ZNF121: variants seen among roughly 807,000 people sequenced by gnomAD.
ZNF121 encodes the protein zinc finger protein 121 (clone ZHC32).
In ZNF121, 1 loss-of-function variant was observed where a neutral mutation model predicts 2.4. That is an observed-to-expected ratio of 0.41 (90% confidence interval 0.15 to 1.94). The LOEUF (loss-of-function observed/expected upper bound fraction) is 1.94. ZNF121 is among the 30% of genes most tolerant of loss of function. ZNF121 has a pLI of 0.30. For missense variants in ZNF121, 369 were observed against 466.3 expected (o/e 0.79, Z 1.92); for synonymous variants, 173 against 158.6 (o/e 1.09, Z -0.68).
chr19:9,582,285 G>A (rs57645265), intron 1 of ZNF121, among the ~76,000 whole-genome samples: 2,147 of 152,284 alleles, frequency 0.014, 56 homozygotes, highest in African/African-American at 0.048. Context: ...AGCAACTGAA[G>A]AACAACAAGA....
At chr19:9,573,059 A>G (rs1401273765) in intron 1 of ZNF121, among the ~76,000 whole-genome samples, 1 of 152,094 alleles carries the variant, frequency 6.6e-6, no homozygotes, top group Non-Finnish European at 1.5e-5. Flanking sequence ...CCCAATAAAA[A>G]CCACAAGCCA....
At chr19:9,574,451 G>A (rs1468328265) in intron 1 of ZNF121, among the ~76,000 whole-genome samples, 1 of 152,062 alleles carries the variant, frequency 6.6e-6, no homozygotes, top group South Asian at 2.1e-4. Context: ...ACCGCGCCCG[G>A]CCCTAGCAAG....
chr19:9,562,386 G>A lies in ZNF121; in HGVS notation c.*3554C>T, dbSNP rs145853462. The A allele has an allele frequency of 5.3e-3, 1,068 of 203,026 alleles. 11 individuals are homozygous for A. Among genetic ancestry groups the A allele is most frequent in the African/African-American group, 0.024 (1,003 of 42,622 alleles). 12.6% of individuals were successfully genotyped at this position (203,026 alleles called of 1,614,324 possible). The stretch of plus-strand genomic sequence containing the variant: ...TCACCATGGTGGCCAGGCTGGTCTC[G>A]AACTCCTGACCTCATGATTCACTCA... On this transcript the variant is annotated 3_prime_UTR_variant, in exon 4 of 4. Coordinates refer to ENST00000320451, the MANE Select transcript of ZNF121 (RefSeq NM_001008727.5).
intron 1 of ZNF121, among the ~76,000 whole-genome samples, chr19:9,579,999 A>T (rs1300147262): frequency 6.6e-6 from 1 of 152,192 alleles, no homozygotes; most frequent in African/African-American, 2.4e-5. Context: ...GGGTAAAGAT[A>T]TTCCCTTGTC....
intron 1 of ZNF121, among the ~76,000 whole-genome samples, chr19:9,575,983 G>A (rs538217572): frequency 1.4e-4 from 21 of 151,978 alleles, no homozygotes; most frequent in Middle Eastern, 3.4e-3. Context: ...AAACACAGAA[G>A]AAGTTAAGCA....
rs990752309 is a variant in ZNF121 at position 9,562,125 on chromosome 19, T to C, written c.*3815A>G. The C allele has an allele frequency of 2.0e-5, 3 of 151,840 alleles. No individual in the cohort carries two copies. The highest frequency in any genetic ancestry group is 7.3e-5 in the African/African-American group (3 of 41,342). 9.4% of individuals were successfully genotyped at this position (151,840 alleles called of 1,614,324 possible). On this transcript the variant is annotated 3_prime_UTR_variant, in exon 4 of 4. Coordinates refer to ENST00000320451, the MANE Select transcript of ZNF121 (RefSeq NM_001008727.5). ...GACAATTCTGACAATATTTCAAACA[T>C]TTTCCTTATTATTATACTTACTGTG... is the stretch of plus-strand genomic sequence containing the variant.
Position 9,560,610 on chromosome 19 carries a change from A to C in ZNF121, c.*5330T>G, listed in dbSNP as rs2074096101. ...GTATTTGTCCTTTCGGAACTGGTTT[A>C]TTTCACTTAGCATAACGTCCATGTT... On this transcript the variant is annotated 3_prime_UTR_variant, in exon 4 of 4. Coordinates refer to ENST00000320451, the MANE Select transcript of ZNF121 (RefSeq NM_001008727.5). 1 of 152,190 alleles carries C rather than the reference A, an allele frequency of 6.6e-6. No individual in the cohort carries two copies. The allele number at this position is 152,190 out of a possible 1,614,324, so 9.4% of individuals were successfully genotyped here.
rs2144798003 is a variant in ZNF121 at position 9,561,237 on chromosome 19, T to A, written c.*4703A>T. 1 of 152,300 alleles carries A rather than the reference T, an allele frequency of 6.6e-6. No homozygotes were observed. The highest frequency in any genetic ancestry group is 1.9e-4 in the East Asian group (1 of 5,192). 9.4% of individuals were successfully genotyped at this position (152,300 alleles called of 1,614,324 possible). ...CAGGGCACTATTACCTAGGAACACC[T>A]CCCTACACAGAGACTGCAGCTTCTA... On this transcript the variant is annotated 3_prime_UTR_variant, in exon 4 of 4. Coordinates refer to ENST00000320451, the MANE Select transcript of ZNF121 (RefSeq NM_001008727.5).
Position 9,565,072 on chromosome 19 carries a change from C to T in ZNF121, c.*868G>A, listed in dbSNP as rs1296727396. 1.3e-5 allele frequency: 2 copies of T among 152,118 alleles called. No individual in the cohort carries two copies. The allele number at this position is 152,118 out of a possible 1,614,324, so 9.4% of individuals were successfully genotyped here. On this transcript the variant is annotated 3_prime_UTR_variant, in exon 4 of 4. Transcript: ENST00000320451. ...ATGATGTAAACCTAACTTATATGCA[C>T]TGGGAAACCAAAACATTTGTATGAT...
At chr19:9,584,038 T>A (rs942872684) in intron 1 of ZNF121, 17 of 152,106 alleles carry the variant, frequency 1.1e-4, no homozygotes, top group African/African-American at 3.4e-4. Context: ...GAAATGGAAG[T>A]CAGAGCCCTC....
In ZNF121 at chr19:9,568,105, C is replaced by T; in HGVS notation, c.-8G>A. On this transcript the variant is annotated 5_prime_UTR_variant, in exon 3 of 4. Coordinates refer to ENST00000320451, the MANE Select transcript of ZNF121 (RefSeq NM_001008727.5). ...AAATCTTAATCTTACCATTTGTATG[C>T]CGTTTGATGTTTTGTTAAGCCAAAA... 2.6e-6 allele frequency: 4 copies of T among 1,546,302 alleles called. No homozygotes were observed. Among genetic ancestry groups the T allele is most frequent in the African/African-American group, 1.4e-5 (1 of 73,928 alleles).
At chr19:9,573,363 C>A (rs2074187436) in intron 1 of ZNF121, among the ~76,000 whole-genome samples, 1 of 152,136 alleles carries the variant, frequency 6.6e-6, no homozygotes, top group Non-Finnish European at 1.5e-5. Flanking sequence ...GAGAAATACT[C>A]AACTCAAAAG....
At chr19:9,572,733 G>A (rs1270934307) in intron 1 of ZNF121, among the ~76,000 whole-genome samples, 1 of 152,194 alleles carries the variant, frequency 6.6e-6, no homozygotes, top group Non-Finnish European at 1.5e-5. Flanking sequence ...ATTCCATCTA[G>A]TGCTGAAAAC....
intron 1 of ZNF121, among the ~76,000 whole-genome samples, chr19:9,580,720 A>G (rs543909787): frequency 6.6e-6 from 1 of 152,308 alleles, no homozygotes; most frequent in East Asian, 1.9e-4. Flanking sequence ...AGCAGACCCA[A>G]TGATACTCAA....
At chr19:9,572,458 C>T (rs1175989347) in intron 1 of ZNF121, among the ~76,000 whole-genome samples, 1 of 152,162 alleles carries the variant, frequency 6.6e-6, no homozygotes, top group Non-Finnish European at 1.5e-5. Context: ...AGAAACATCC[C>T]TGAGGACATC....
chr19:9,581,899 A>G (rs2074250585), intron 1 of ZNF121, among the ~76,000 whole-genome samples: 1 of 152,228 alleles, frequency 6.6e-6, no homozygotes, highest in Non-Finnish European at 1.5e-5. Context: ...TAGGCGATGC[A>G]TTACCAAGTA....
chr19:9,583,512 T>G (rs112865032), intron 1 of ZNF121, among the ~76,000 whole-genome samples: 1,180 of 110,070 alleles, frequency 0.011, 10 homozygotes, highest in African/African-American at 0.037. Context: ...TTTTTTTTTT[T>G]TGTGTGTGTG....
At chr19:9,583,489 CTTTTTT>C (rs1185311747) in intron 1 of ZNF121, among the ~76,000 whole-genome samples, 1 of 56,390 alleles carries the variant, frequency 1.8e-5, no homozygotes, top group African/African-American at 1.1e-4. Context: ...CCAAGCCTGG[CTTTTTT>C]TTTTTTTTTT....
intron 1 of ZNF121, among the ~76,000 whole-genome samples, chr19:9,575,682 G>A (rs1275919692): frequency 6.6e-6 from 1 of 151,926 alleles, no homozygotes; most frequent in African/African-American, 2.4e-5. Context: ...GATGGAGGTT[G>A]CAGTGAGCTG....
Sources: gnomAD v4.1 joint callset for allele counts (sites outside exome capture counted in the v4.1 genomes callset) on GRCh38, gnomAD v4.1.1 for gene constraint, MANE v1.5 for transcripts, NCBI Gene and HGNC (gene_info 2026-07-23, HGNC 2026-07-21) for gene names.